GFOD1: variants seen among roughly 807,000 people sequenced by gnomAD.
GFOD1 encodes glucose-fructose oxidoreductase domain-containing protein 1.
GFOD1 carries 9 observed loss-of-function variants against 25.4 expected under a neutral mutation model. The ratio of observed to expected loss-of-function variants is 0.35; its 90% confidence interval spans 0.21 to 0.62. The LOEUF is 0.62. Among genes scored for constraint, GFOD1 ranks in the 20% least tolerant of loss-of-function variants. The probability of loss-of-function intolerance (pLI) is 0.72; values close to 1 mark genes in which losing one functional copy is unlikely to be tolerated. For synonymous variants in GFOD1, 253 were observed against 245.6 expected (o/e 1.03, Z -0.28); for missense variants, 403 against 556.9 (o/e 0.72, Z 2.78).
intron 1 of GFOD1, among the ~76,000 whole-genome samples, chr6:13,480,740 G>A (rs1361249781): frequency 4.6e-5 from 7 of 152,144 alleles, no homozygotes; most frequent in South Asian, 2.1e-4. Flanking sequence ...TCCTGCCTCC[G>A]TCTCCCGAAG....
In GFOD1 at chr6:13,424,364, G is replaced by A. The variant is rs547240307; in HGVS notation, c.254-58702C>T. Among the ~76,000 whole-genome samples, 8 of 152,216 alleles carry A rather than the reference G, an allele frequency of 5.3e-5. No homozygotes were observed. The South Asian group carries it at 1.5e-3, about 28-fold the overall frequency. On this transcript the variant is annotated intron_variant, in intron 1 of 1. Coordinates refer to ENST00000379287, the MANE Select transcript of GFOD1 (RefSeq NM_018988.4). Reference sequence around the variant, plus strand: ...GGAAGATGATGATGATGATGATGATGGTGACCACGGTGATCACATCAACGC... The same window carrying A: ...GGAAGATGATGATGATGATGATGATAGTGACCACGGTGATCACATCAACGC...
chr6:13,389,677 G>A (rs1785545362), intron 1 of GFOD1, among the ~76,000 whole-genome samples: 1 of 152,042 alleles, frequency 6.6e-6, no homozygotes, highest in Admixed American at 6.6e-5. Flanking sequence ...ACAAGTTGAT[G>A]GGTGCAGCAA....
chr6:13,459,873 C>T (rs1487985065), intron 1 of GFOD1, among the ~76,000 whole-genome samples: 1 of 152,184 alleles, frequency 6.6e-6, no homozygotes, highest in Admixed American at 6.5e-5. Flanking sequence ...GTGGCTCACA[C>T]CTGTAATCCC....
chr6:13,458,033 A>C (rs536185729), intron 1 of GFOD1, among the ~76,000 whole-genome samples: 32 of 152,204 alleles, frequency 2.1e-4, no homozygotes, highest in Non-Finnish European at 1.3e-4. Flanking sequence ...AAAATGCAAA[A>C]GTACTGTTTC....
intron 1 of GFOD1, among the ~76,000 whole-genome samples, chr6:13,428,264 A>G (rs1226657312): frequency 6.6e-6 from 1 of 152,192 alleles, no homozygotes; most frequent in African/African-American, 2.4e-5. Context: ...CGTGCCTCTC[A>G]AGCCCATGCT....
chr6:13,437,840 AC>A (rs1448111996), intron 1 of GFOD1, among the ~76,000 whole-genome samples: 1 of 152,224 alleles, frequency 6.6e-6, no homozygotes, highest in Non-Finnish European at 1.5e-5. Context: ...GAGTAAAGAT[AC>A]TTTACTCATT....
intron 1 of GFOD1, among the ~76,000 whole-genome samples, chr6:13,468,420 G>A (rs529465836): frequency 1.1e-4 from 16 of 152,226 alleles, no homozygotes; most frequent in African/African-American, 2.2e-4. Context: ...CAGTGTTTCA[G>A]TAATCACAAA....
At chr6:13,419,438 G>A (rs1341274646) in intron 1 of GFOD1, among the ~76,000 whole-genome samples, 3 of 152,068 alleles carry the variant, frequency 2.0e-5, no homozygotes, top group Non-Finnish European at 4.4e-5. Context: ...CACAGAGACC[G>A]CCATCCTCTC....
chr6:13,427,953 G>C (rs1246773699), intron 1 of GFOD1, among the ~76,000 whole-genome samples: 1 of 152,100 alleles, frequency 6.6e-6, no homozygotes, highest in East Asian at 1.9e-4. Context: ...TCAACCAAAA[G>C]AGAAAAATCG....
chr6:13,407,076 T>A (rs1169819823), intron 1 of GFOD1, among the ~76,000 whole-genome samples: 1 of 152,136 alleles, frequency 6.6e-6, no homozygotes, highest in African/African-American at 2.4e-5. Flanking sequence ...CCATTTCCCT[T>A]TTCCTGTGTG....
At chr6:13,474,300 A>T (rs1015433549) in intron 1 of GFOD1, among the ~76,000 whole-genome samples, 1 of 152,088 alleles carries the variant, frequency 6.6e-6, no homozygotes, top group Admixed American at 6.5e-5. Flanking sequence ...AATTGCTTGA[A>T]CCTGGGAGGC....
intron 1 of GFOD1, among the ~76,000 whole-genome samples, chr6:13,432,333 C>A (rs375448743): frequency 6.6e-6 from 1 of 151,472 alleles, no homozygotes; most frequent in African/African-American, 2.4e-5. Context: ...CCCACCTTAA[C>A]CTCCCAAGTA....
At chr6:13,409,299 A>C (rs1360961425) in intron 1 of GFOD1, among the ~76,000 whole-genome samples, 5 of 35,204 alleles carry the variant, frequency 1.4e-4, no homozygotes, top group African/African-American at 2.0e-4. Flanking sequence ...GAAGGAAGGA[A>C]GAAAGGAAGG....
At chr6:13,482,059 T>C (rs1758763260) in intron 1 of GFOD1, among the ~76,000 whole-genome samples, 2 of 150,530 alleles carry the variant, frequency 1.3e-5, no homozygotes, top group South Asian at 2.1e-4. Flanking sequence ...CAGAGTTTCA[T>C]ATATTTGTGT....
At chr6:13,385,659 G>A (rs1055323523) in intron 1 of GFOD1, among the ~76,000 whole-genome samples, 5 of 152,176 alleles carry the variant, frequency 3.3e-5, no homozygotes, top group Admixed American at 6.5e-5. Flanking sequence ...AGCAACTTTT[G>A]TATGCAGGTT....
rs1554199406 is a variant in GFOD1 at position 13,374,273 on chromosome 6, T to TTTGTG, written c.254-8612_254-8611insCACAA. 3.1e-4 allele frequency among the ~76,000 whole-genome samples: 41 copies of TTTGTG among 134,412 alleles called. 1 individual carries two copies. Among genetic ancestry groups the TTTGTG allele is most frequent in the African/African-American group, 1.1e-3 (39 of 34,428 alleles). 88.2% of individuals were successfully genotyped at this position (134,412 alleles called of 152,430 possible). A position where few individuals can be genotyped will look rare whatever the true frequency, so the allele number is the denominator to read the frequency against. Reference sequence around the variant, plus strand: ...GTCTTTTTAAAAATATGTTTTTTTTTTGTGTGTGTGTGTGTGTGTGTGTGT... The same window carrying TTTGTG: ...GTCTTTTTAAAAATATGTTTTTTTTTTTGTGTGTGTGTGTGTGTGTGTGTGTGTGT... On this transcript the variant is annotated intron_variant, in intron 1 of 1. Transcript: ENST00000379287.
intron 1 of GFOD1, among the ~76,000 whole-genome samples, chr6:13,477,886 C>T (rs1371230287): frequency 2.6e-5 from 4 of 151,604 alleles, no homozygotes; most frequent in East Asian, 3.9e-4. Context: ...GCCAACATGG[C>T]GACCCCATCT....
At chr6:13,417,215 G>A (rs1057008236) in intron 1 of GFOD1, among the ~76,000 whole-genome samples, 2 of 152,130 alleles carry the variant, frequency 1.3e-5, no homozygotes, top group South Asian at 2.1e-4. Context: ...GTGCAGTGGC[G>A]CGATCTGGGC....
intron 1 of GFOD1, among the ~76,000 whole-genome samples, chr6:13,370,201 C>T (rs1484790103): frequency 4.6e-5 from 7 of 152,254 alleles, no homozygotes; most frequent in South Asian, 2.1e-4. Flanking sequence ...TTCAGAAGCC[C>T]GGGCTCTGTT....
Sources: allele counts gnomAD v4.1 joint callset (sites outside exome capture counted in the v4.1 genomes callset), GRCh38; gene constraint gnomAD v4.1.1; transcripts MANE v1.5; gene names NCBI Gene and HGNC (gene_info 2026-07-23, HGNC 2026-07-21).